Variants in MED27 observed in about 807,000 individuals in gnomAD.
MED27 encodes the protein mediator of RNA polymerase II transcription subunit 27.
In MED27, 30 loss-of-function variants were observed where a neutral mutation model predicts 38.2. The observed-to-expected ratio is 0.79, with a 90% CI of 0.59 to 1.07. MED27 has a LOEUF of 1.07. Ranked by LOEUF, MED27 falls within the 50% of genes least tolerant of loss-of-function variation. The pLI is 0.00. For missense variants in MED27, 289 were observed against 397.5 expected (o/e 0.73, Z 2.32); for synonymous variants, 122 against 153.5 (o/e 0.79, Z 1.52).
At chr9:132,072,450 C>T (rs1261297047) in intron 2 of MED27, among the ~76,000 whole-genome samples, 2 of 152,120 alleles carry the variant, frequency 1.3e-5, no homozygotes, top group Non-Finnish European at 2.9e-5. Context: ...GTTATACCTT[C>T]CTTGACTTCT....
chr9:131,967,656 T>A (rs907648142), intron 3 of MED27, among the ~76,000 whole-genome samples: 2 of 151,354 alleles, frequency 1.3e-5, no homozygotes, highest in African/African-American at 2.4e-5. Context: ...CAAGCCCAGC[T>A]AATTTTGTAT....
chr9:131,911,562 T>C (rs1830188546), intron 4 of MED27, among the ~76,000 whole-genome samples: 1 of 152,228 alleles, frequency 6.6e-6, no homozygotes, highest in Non-Finnish European at 1.5e-5. Flanking sequence ...GGCAAGGCAG[T>C]AGATATTTCT....
chr9:132,008,806 C>A (rs1373186982), intron 3 of MED27, among the ~76,000 whole-genome samples: 1 of 152,248 alleles, frequency 6.6e-6, no homozygotes, highest in Non-Finnish European at 1.5e-5. Flanking sequence ...TGCACTAATA[C>A]GCACAGGGTT....
In MED27 at chr9:131,872,252, G is replaced by A. The variant is rs894398164; in HGVS notation, c.724-9112C>T. Among the ~76,000 whole-genome samples the A allele has an allele frequency of 4.6e-5, 7 of 152,190 alleles. No homozygotes were observed. Among genetic ancestry groups the A allele is most frequent in the South Asian group, 4.1e-4 (2 of 4,820 alleles). ...ACCACCAGGGGACAGGACTGTGGCC[G>A]AGCAGCGCCTGGGGGAGCTGAGCTT... On this transcript the variant is annotated intron_variant, in intron 6 of 7. Transcript: ENST00000292035. This position sits in a 1 kb window ranked among gnomAD's most constrained non-coding sequence, Gnocchi z 5.6.
chr9:132,043,308 T>C, intron 2 of MED27, among the ~76,000 whole-genome samples: 1 of 151,366 alleles, frequency 6.6e-6, no homozygotes, highest in East Asian at 1.9e-4. Flanking sequence ...TCTATTTTTT[T>C]TTTTTCTTAA....
At chr9:131,969,210 T>C (rs1831422034) in intron 3 of MED27, among the ~76,000 whole-genome samples, 1 of 133,792 alleles carries the variant, frequency 7.5e-6, no homozygotes, top group South Asian at 2.8e-4. Context: ...GGAAATAGTA[T>C]CTTTCACGAA....
intron 2 of MED27, among the ~76,000 whole-genome samples, chr9:132,044,819 T>C (rs1382255889): frequency 6.6e-6 from 1 of 152,232 alleles, no homozygotes; most frequent in African/African-American, 2.4e-5. Context: ...AGAACTCTTA[T>C]CATTCAAGTC....
At chr9:131,886,691 CAT>C (rs1159075931) in intron 5 of MED27, among the ~76,000 whole-genome samples, 1 of 152,198 alleles carries the variant, frequency 6.6e-6, no homozygotes, top group East Asian at 1.9e-4. Context: ...TCAAAAGAAA[CAT>C]ATGAAATTAA....
intron 3 of MED27, among the ~76,000 whole-genome samples, chr9:131,996,488 C>T (rs1302783553): frequency 1.3e-5 from 2 of 152,268 alleles, no homozygotes; most frequent in South Asian, 2.1e-4. Flanking sequence ...CTTGATCCCA[C>T]GAAGCTTCTA....
chr9:131,968,884 C>G lies in MED27; in HGVS notation c.480-29410G>C, dbSNP rs11243584. On this transcript the variant is annotated intron_variant, in intron 3 of 7. Coordinates refer to ENST00000292035, the MANE Select transcript of MED27 (RefSeq NM_004269.4). ...CTCCACCTCCTGTCAGCTCAGCAGC[C>G]GCCTTAGATTCTCACAGGAGTGTGA... 2.1e-4 allele frequency among the ~76,000 whole-genome samples: 32 copies of G among 152,164 alleles called. No individual in the cohort carries two copies. The South Asian group carries it at 5.6e-3, about 27-fold the overall frequency.
At chr9:132,045,946 C>CA (rs1465693448) in intron 2 of MED27, among the ~76,000 whole-genome samples, 1 of 152,160 alleles carries the variant, frequency 6.6e-6, no homozygotes, top group Non-Finnish European at 1.5e-5. Flanking sequence ...GCTGGAGCTC[C>CA]AGCAGCCATA....
At chr9:131,936,147 A>AAAAG (rs1216976803) in intron 4 of MED27, among the ~76,000 whole-genome samples, 2,754 of 150,410 alleles carry the variant, frequency 0.018, 99 homozygotes, top group African/African-American at 0.061. Flanking sequence ...AAAAAAAAAA[A>AAAAG]AAAGAAAGAA....
chr9:132,025,041 G>A (rs1353258875), intron 2 of MED27, among the ~76,000 whole-genome samples: 1 of 152,034 alleles, frequency 6.6e-6, no homozygotes, highest in Non-Finnish European at 1.5e-5. Flanking sequence ...GGTAATGCAG[G>A]TGGAAGCCTG....
chr9:131,861,026 C>G lies in MED27; in HGVS notation c.802-354G>C, dbSNP rs184304991. ...TCCCATGTCTTCTGAATGTCAGTAT[C>G]CATCCTCTTCTCCTTGCCCACTACT... On this transcript the variant is annotated intron_variant, in intron 7 of 7. Transcript: ENST00000292035. The surrounding 1 kb of genome is among the most constrained non-coding windows in gnomAD (Gnocchi z 4.4). Among the ~76,000 whole-genome samples, 1 of 152,198 alleles carries G rather than the reference C, an allele frequency of 6.6e-6. No homozygotes were observed. The highest frequency in any genetic ancestry group is 1.5e-5 in the Non-Finnish European group (1 of 68,008).
chr9:131,906,954 T>C (rs1487163379), intron 4 of MED27, among the ~76,000 whole-genome samples: 3 of 152,208 alleles, frequency 2.0e-5, no homozygotes, highest in African/African-American at 7.2e-5. Flanking sequence ...GTTAACTTCC[T>C]GACATTGCCA....
intron 4 of MED27, among the ~76,000 whole-genome samples, chr9:131,915,080 T>C (rs555260792): frequency 3.9e-5 from 6 of 152,022 alleles, no homozygotes; most frequent in African/African-American, 9.7e-5. Context: ...AGCCAGCAAA[T>C]AGAACCATTT....
At chr9:132,062,666 G>T (rs1350994739) in intron 2 of MED27, among the ~76,000 whole-genome samples, 2 of 151,744 alleles carry the variant, frequency 1.3e-5, no homozygotes, top group Admixed American at 6.6e-5. Context: ...CACTCAGGCT[G>T]GAGTACAGTG....
At position 131,861,539 on chromosome 9, in the gene MED27, G is replaced by A. The variant is rs1369295499; in HGVS notation, c.802-867C>T. On this transcript the variant is annotated intron_variant, in intron 7 of 7. Transcript: ENST00000292035. The surrounding 1 kb of genome is among the most constrained non-coding windows in gnomAD (Gnocchi z 4.4). ...CATGGTGACAGGGCATGGCCCATCA[G>A]TACTGTCCCCCTTTCCAAAGGCCAG... Among the ~76,000 whole-genome samples the A allele has an allele frequency of 6.6e-6, 1 of 152,200 alleles. No individual in the cohort carries two copies. Among genetic ancestry groups the A allele is most frequent in the Admixed American group, 6.5e-5 (1 of 15,286 alleles).
intron 2 of MED27, among the ~76,000 whole-genome samples, chr9:132,043,503 A>T (rs1833266662): frequency 6.6e-6 from 1 of 152,142 alleles, no homozygotes; most frequent in Non-Finnish European, 1.5e-5. Context: ...CATTTATTAT[A>T]CATCTGCATT....
Sources: gnomAD v4.1 joint callset for allele counts (sites outside exome capture counted in the v4.1 genomes callset) on GRCh38, gnomAD v4.1.1 for gene constraint, Gnocchi (gnomAD v3.1) non-coding constraint, MANE v1.5 for transcripts, NCBI Gene and HGNC (gene_info 2026-07-23, HGNC 2026-07-21) for gene names.